KAZN: variants seen among roughly 807,000 people sequenced by gnomAD.
KAZN encodes kazrin.
Under a neutral mutation model 87.4 loss-of-function variants are expected in KAZN, and 40 were observed. The ratio of observed to expected loss-of-function variants is 0.46; its 90% CI spans 0.36 to 0.60. The LOEUF is 0.60. KAZN is among the 20% of genes least tolerant of loss of function. KAZN has a pLI of 0.00. For synonymous variants in KAZN, 466 were observed against 458.3 expected (o/e 1.02, Z -0.22); for missense variants, 898 against 1,073.9 (o/e 0.84, Z 2.29).
At chr1:14,417,613 G>A (rs548674348) in intron 2 of KAZN, among the ~76,000 whole-genome samples, 7 of 152,242 alleles carry the variant, frequency 4.6e-5, no homozygotes, top group South Asian at 2.1e-4. Flanking sequence ...GCTACTGTAC[G>A]CACAGGCTGT....
At chr1:14,811,623 G>C (rs1315748083) in intron 1 of KAZN, among the ~76,000 whole-genome samples, 1 of 152,120 alleles carries the variant, frequency 6.6e-6, no homozygotes, top group Admixed American at 6.5e-5. Context: ...TTTAATGTAG[G>C]GAAGCAAGCT....
chr1:13,984,298 C>A (rs763887514), intron 1 of KAZN, among the ~76,000 whole-genome samples: 8 of 152,208 alleles, frequency 5.3e-5, no homozygotes, highest in Non-Finnish European at 1.0e-4. Flanking sequence ...GCGTGAGCCA[C>A]CGCGCCCGGC....
intron 1 of KAZN, among the ~76,000 whole-genome samples, chr1:13,980,936 T>C (rs1638634045): frequency 6.6e-6 from 1 of 151,652 alleles, no homozygotes; most frequent in Non-Finnish European, 1.5e-5. Flanking sequence ...TCAGACTTTA[T>C]GTATAGCAGT....
intron 2 of KAZN, among the ~76,000 whole-genome samples, chr1:14,355,571 C>G (rs1571375663): frequency 6.6e-6 from 1 of 152,110 alleles, no homozygotes; most frequent in Non-Finnish European, 1.5e-5. Context: ...CTAATGCTGT[C>G]CATCCCCTAA....
At chr1:14,970,404 C>G (rs112793779) in intron 2 of KAZN, among the ~76,000 whole-genome samples, 3 of 152,196 alleles carry the variant, frequency 2.0e-5, no homozygotes, top group African/African-American at 4.8e-5. Context: ...ACACAGAGAT[C>G]CTTTTAAATA....
At chr1:14,481,369 C>G (rs1669073086) in intron 2 of KAZN, among the ~76,000 whole-genome samples, 1 of 151,404 alleles carries the variant, frequency 6.6e-6, no homozygotes, top group Admixed American at 6.6e-5. Context: ...TAATAATGGT[C>G]TTCTTGTTGT....
At chr1:15,046,001 T>C (rs1485326912) in intron 4 of KAZN, among the ~76,000 whole-genome samples, 1 of 152,166 alleles carries the variant, frequency 6.6e-6, no homozygotes, top group Non-Finnish European at 1.5e-5. Context: ...AAAGAAAATG[T>C]TATTAAGAGA....
At chr1:14,088,305 T>G (rs964124831) in intron 1 of KAZN, among the ~76,000 whole-genome samples, 13 of 151,880 alleles carry the variant, frequency 8.6e-5, no homozygotes, top group African/African-American at 3.1e-4. Context: ...TTACTTCAGC[T>G]ATACCTCACA....
chr1:14,563,049 A>G (rs1193957051), intron 2 of KAZN, among the ~76,000 whole-genome samples: 1 of 152,224 alleles, frequency 6.6e-6, no homozygotes, highest in Admixed American at 6.5e-5. Context: ...ATGAGCTGTC[A>G]AATCAGAAGG....
chr1:14,737,682 T>C (rs1014205106), intron 1 of KAZN, among the ~76,000 whole-genome samples: 19 of 152,224 alleles, frequency 1.2e-4, no homozygotes, highest in African/African-American at 3.1e-4. Flanking sequence ...ATTTCTTCTG[T>C]AACTCCAGGT....
Position 14,961,954 on chromosome 1 carries a change from G to A in KAZN, c.418+1079G>A, listed in dbSNP as rs80246141. Among the ~76,000 whole-genome samples, 475 of 152,322 alleles carry A rather than the reference G, an allele frequency of 3.1e-3. 4 individuals carry two copies. The highest frequency in any genetic ancestry group is 0.011 in the African/African-American group (441 of 41,574). ...GAGACCCCAGGGAAAGAGCCAGAAT[G>A]GAGGGCCAGAGATTTGCCTTTGCAA... On this transcript the variant is annotated intron_variant, in intron 2 of 14. Transcript: ENST00000376030.
intron 1 of KAZN, among the ~76,000 whole-genome samples, chr1:14,715,550 C>T (rs1218222133): frequency 3.9e-5 from 6 of 152,138 alleles, no homozygotes; most frequent in South Asian, 2.1e-4. Flanking sequence ...AAACAGGCTG[C>T]GTGTGTAGCT....
chr1:14,777,446 C>T (rs192546380), intron 1 of KAZN, among the ~76,000 whole-genome samples: 61 of 152,270 alleles, frequency 4.0e-4, no homozygotes, highest in African/African-American at 1.3e-3. Flanking sequence ...ACAACTTCTC[C>T]CTCCGAGGGC....
At chr1:14,397,577 C>T (rs1305224816) in intron 2 of KAZN, among the ~76,000 whole-genome samples, 1 of 152,096 alleles carries the variant, frequency 6.6e-6, no homozygotes, top group African/African-American at 2.4e-5. Flanking sequence ...GGCAGAAGCG[C>T]TGGGGGCGGT....
chr1:15,110,556 T>A lies in KAZN; in HGVS notation c.2049-1871T>A, dbSNP rs911852305. Reference sequence around the variant, plus strand: ...GTGTGTGTGCATATGTGTTTGTGTGTGTGTGTGTGTGTATCCTCTCATTTA... The same window carrying A: ...GTGTGTGTGCATATGTGTTTGTGTGAGTGTGTGTGTGTATCCTCTCATTTA... On this transcript the variant is annotated intron_variant, in intron 13 of 14. Transcript: ENST00000376030. 1.6e-4 allele frequency among the ~76,000 whole-genome samples: 24 copies of A among 152,060 alleles called. 1 individual carries two copies. The highest frequency in any genetic ancestry group is 5.8e-4 in the African/African-American group (24 of 41,396).
intron 2 of KAZN, among the ~76,000 whole-genome samples, chr1:14,236,690 G>A (rs1648456764): frequency 6.6e-6 from 1 of 152,144 alleles, no homozygotes; most frequent in South Asian, 2.1e-4. Context: ...GGCAAGGGTG[G>A]GTAGATTGCT....
At chr1:14,233,952 G>T (rs535909165) in intron 2 of KAZN, among the ~76,000 whole-genome samples, 1 of 152,188 alleles carries the variant, frequency 6.6e-6, no homozygotes, top group Admixed American at 6.5e-5. Context: ...CTGTTAGTAG[G>T]AGTGTAAATT....
intron 8 of KAZN, among the ~76,000 whole-genome samples, chr1:15,085,887 G>A (rs1640229377): frequency 6.6e-6 from 1 of 152,170 alleles, no homozygotes. Flanking sequence ...CAGAGATACA[G>A]GAAGCACAAT....
chr1:14,323,750 A>G (rs1656211330), intron 2 of KAZN, among the ~76,000 whole-genome samples: 1 of 152,182 alleles, frequency 6.6e-6, no homozygotes, highest in Non-Finnish European at 1.5e-5. Flanking sequence ...GCTGGACCAC[A>G]TCTTGGCAGG....
Sources: allele counts gnomAD v4.1 joint callset (sites outside exome capture counted in the v4.1 genomes callset), GRCh38; gene constraint gnomAD v4.1.1; transcripts MANE v1.5; gene names NCBI Gene and HGNC (gene_info 2026-07-23, HGNC 2026-07-21).